The following EXT1 variants were observed in gnomAD, a reference collection of about 807,000 sequenced individuals.
EXT1 encodes exostosin-1.
In EXT1, 20 loss-of-function variants were observed where a neutral mutation model predicts 82.5. That is an observed-to-expected ratio of 0.24 (90% CI 0.17 to 0.35). EXT1 has a LOEUF of 0.35. Ranked by LOEUF, EXT1 falls within the 10% of genes least tolerant of loss-of-function variation. The probability of loss-of-function intolerance (pLI) is 1.00; values close to 1 mark genes in which losing one functional copy is unlikely to be tolerated. For synonymous variants in EXT1, 348 were observed against 350.8 expected, an observed-to-expected ratio of 0.99 and a Z score of 0.09; for missense variants, 757 against 936.5, an observed-to-expected ratio of 0.81 and a Z score of 2.50.
chr8:118,090,118 A>T (rs1412626244), intron 1 of EXT1, among the ~76,000 whole-genome samples: 2 of 152,050 alleles, frequency 1.3e-5, no homozygotes, highest in Non-Finnish European at 2.9e-5. Flanking sequence ...TCAACCAAAA[A>T]CCTGTAAAAA....
chr8:118,056,245 A>G (rs1017314803), intron 1 of EXT1, among the ~76,000 whole-genome samples: 4 of 152,222 alleles, frequency 2.6e-5, no homozygotes, highest in Admixed American at 6.5e-5. Context: ...CCCCTTTAGA[A>G]AAACAAAAAT....
At chr8:117,939,995 G>A (rs1425076238) in intron 1 of EXT1, among the ~76,000 whole-genome samples, 1 of 152,228 alleles carries the variant, frequency 6.6e-6, no homozygotes, top group Non-Finnish European at 1.5e-5. Flanking sequence ...ACTAGGACAT[G>A]GTGGCCCTTT....
chr8:117,953,370 A>AT (rs1439928342), intron 1 of EXT1, among the ~76,000 whole-genome samples: 2 of 152,106 alleles, frequency 1.3e-5, no homozygotes, highest in Admixed American at 6.6e-5. Context: ...ACCCCAGATT[A>AT]TAGGAGAAAT....
intron 3 of EXT1, among the ~76,000 whole-genome samples, 182 bp downstream of exon 3, chr8:117,835,251 GGGACCTGGGGA>G (rs1173017940): frequency 2.6e-5 from 4 of 152,086 alleles, no homozygotes; most frequent in Non-Finnish European, 5.9e-5. Context: ...ATATATTCTG[GGGACCTGGGGA>G]GATTTTGTTG....
At position 117,814,077 on chromosome 8, in the gene EXT1, A is replaced by AAGAAGG. The variant is rs934494460; in HGVS notation, c.1633-1122_1633-1117dup. 1.3e-3 allele frequency among the ~76,000 whole-genome samples: 193 copies of AAGAAGG among 151,812 alleles called. 2 individuals are homozygous for AAGAAGG. The East Asian group carries it at 0.025, about 20-fold the overall frequency. ...GAAGGAGGAGAAGGAGGAGGAGGAG[A>AAGAAGG]AGAAGGAGAAGGAGAAGGAGAAGGA... On this transcript the variant is annotated intron_variant, in intron 7 of 10. Transcript: ENST00000378204.
At chr8:117,948,802 C>T (rs1253168841) in intron 1 of EXT1, among the ~76,000 whole-genome samples, 1 of 152,174 alleles carries the variant, frequency 6.6e-6, no homozygotes, top group Non-Finnish European at 1.5e-5. Flanking sequence ...CATTTTTTCC[C>T]ACTCTTTATC....
intron 1 of EXT1, among the ~76,000 whole-genome samples, chr8:117,948,873 G>A (rs1814438180): frequency 6.6e-6 from 1 of 152,042 alleles, no homozygotes; most frequent in South Asian, 2.1e-4. Context: ...TTATGTTTTG[G>A]GTTGTTGGTT....
chr8:117,931,274 G>A (rs889776780), intron 1 of EXT1, among the ~76,000 whole-genome samples: 10 of 152,282 alleles, frequency 6.6e-5, no homozygotes, highest in South Asian at 6.2e-4. Context: ...CTCACTTGGC[G>A]TCTAGATGGA....
At chr8:117,991,053 C>A (rs377354295) in intron 1 of EXT1, among the ~76,000 whole-genome samples, 90 of 152,116 alleles carry the variant, frequency 5.9e-4, no homozygotes, top group African/African-American at 2.2e-3. Context: ...ACAGCCTTCC[C>A]AAGGTCCATA....
chr8:118,063,293 CAA>C (rs1336655861), intron 1 of EXT1, among the ~76,000 whole-genome samples: 1 of 152,208 alleles, frequency 6.6e-6, no homozygotes, highest in African/African-American at 2.4e-5. Context: ...ACACATCATT[CAA>C]AGTTATCACA....
chr8:117,869,335 G>A (rs1307426926), intron 1 of EXT1, among the ~76,000 whole-genome samples: 1 of 152,196 alleles, frequency 6.6e-6, no homozygotes, highest in Non-Finnish European at 1.5e-5. Context: ...TTGGCGCAGA[G>A]GATTGGAAGG....
At chr8:117,871,900 C>T (rs776541054) in intron 1 of EXT1, among the ~76,000 whole-genome samples, 15 of 152,084 alleles carry the variant, frequency 9.9e-5, no homozygotes, top group South Asian at 2.1e-4. Flanking sequence ...TGAGGCAAGA[C>T]GATCACTGGA....
At chr8:117,984,630 G>C (rs1372494895) in intron 1 of EXT1, among the ~76,000 whole-genome samples, 2 of 152,132 alleles carry the variant, frequency 1.3e-5, no homozygotes, top group African/African-American at 4.8e-5. Flanking sequence ...GGCTGAAGCG[G>C]GTTGAACAAG....
intron 1 of EXT1, among the ~76,000 whole-genome samples, chr8:118,097,577 T>C (rs926797949): frequency 7.9e-5 from 12 of 152,232 alleles, no homozygotes; most frequent in African/African-American, 2.7e-4. Context: ...TGAGACCCAC[T>C]GCCTTAACCC....
Position 118,111,017 on chromosome 8 carries a change from C to A in EXT1, c.30G>T (p.Leu10=). 1 of 1,602,358 alleles carries A rather than the reference C, an allele frequency of 6.2e-7. No homozygotes were observed. The highest frequency in any genetic ancestry group is 8.5e-7 in the Non-Finnish European group (1 of 1,179,374). Residue 10 remains leucine (L), a synonymous_variant, in exon 1 of 11, where the codon CTG becomes CTT. Transcript: ENST00000378204. MQAKKRYFI[L]LSAGSCLALL... ...GGGCGAGACAAGAGCCAGCTGAGAG[C>A]AGGATGAAATAGCGTTTTTTGGCCT...
chr8:118,029,018 T>C (rs1163532437), intron 1 of EXT1, among the ~76,000 whole-genome samples: 5 of 152,190 alleles, frequency 3.3e-5, no homozygotes, highest in Non-Finnish European at 7.3e-5. Context: ...AAAATCAAAA[T>C]ATATGATTGT....
intron 1 of EXT1, among the ~76,000 whole-genome samples, chr8:117,923,047 A>T (rs536502644): frequency 7.1e-6 from 1 of 140,650 alleles, no homozygotes; most frequent in Non-Finnish European, 1.6e-5. Context: ...TAAAACTGCC[A>T]GGCACGGTGG....
intron 8 of EXT1, among the ~76,000 whole-genome samples, chr8:117,811,134 T>C (rs1823311694): frequency 6.6e-6 from 1 of 152,186 alleles, no homozygotes; most frequent in African/African-American, 2.4e-5. Context: ...CAAAGTTCCT[T>C]CATTTGAATC....
At chr8:118,018,014 C>A (rs1816032096) in intron 1 of EXT1, among the ~76,000 whole-genome samples, 1 of 152,192 alleles carries the variant, frequency 6.6e-6, no homozygotes, top group South Asian at 2.1e-4. Context: ...ATTCATTGCA[C>A]AAGCAATTTT....
Sources: gnomAD v4.1 joint callset for allele counts (sites outside exome capture counted in the v4.1 genomes callset) on GRCh38, gnomAD v4.1.1 for gene constraint, MANE v1.5 for transcripts, NCBI Gene and HGNC (gene_info 2026-07-23, HGNC 2026-07-21) for gene names.